The following MLPH variants were observed in gnomAD, a reference collection of about 807,000 sequenced individuals.
MLPH encodes the protein exophilin-3.
MLPH carries 51 observed loss-of-function variants against 72.1 expected under a neutral mutation model. The observed-to-expected ratio is 0.71, with a 90% CI of 0.56 to 0.89. The LOEUF (loss-of-function observed/expected upper bound fraction) is 0.89. Ranked by LOEUF, MLPH falls within the 40% of genes least tolerant of loss-of-function variation. The probability of loss-of-function intolerance (pLI) is 0.00; values close to 1 mark genes in which losing one functional copy is unlikely to be tolerated. For missense variants in MLPH, 743 were observed against 759.9 expected (o/e 0.98, Z 0.26); for synonymous variants, 301 against 310.1 (o/e 0.97, Z 0.31).
intron 12 of MLPH, chr2:237,545,449 C>T (rs1322293583): frequency 7.8e-7 from 1 of 1,286,410 alleles, no homozygotes; most frequent in South Asian, 1.2e-5. Flanking sequence ...TGTTTCTACC[C>T]TAAAAAGGCT....
At chr2:237,498,588 A>G (rs148564900) in intron 2 of MLPH, among the ~76,000 whole-genome samples, 1 of 152,196 alleles carries the variant, frequency 6.6e-6, no homozygotes, top group South Asian at 2.1e-4. Context: ...TGTGCTGTGG[A>G]CATTCGGTGA....
At chr2:237,548,377 G>A (rs535653256) in intron 13 of MLPH, among the ~76,000 whole-genome samples, 2 of 152,342 alleles carry the variant, frequency 1.3e-5, no homozygotes, top group South Asian at 4.1e-4. Context: ...TCACTTCCCT[G>A]AAAAGCCAAA....
In MLPH at chr2:237,541,106, A is replaced by G. The variant is rs1266770792; in HGVS notation, c.1446+149A>G. 3 of 1,126,384 alleles carry G rather than the reference A, an allele frequency of 2.7e-6. No homozygotes were observed. The highest frequency in any genetic ancestry group is 1.5e-5 in the African/African-American group (1 of 64,718). 69.8% of individuals were successfully genotyped at this position (1,126,384 alleles called of 1,614,324 possible). A position where few individuals can be genotyped will look rare whatever the true frequency, so the allele number is the denominator to read the frequency against. On this transcript the variant is annotated intron_variant, in intron 11 of 15. Coordinates refer to ENST00000264605, the MANE Select transcript of MLPH (RefSeq NM_024101.7). This position sits in a 1 kb window ranked among gnomAD's most constrained non-coding sequence, Gnocchi z 5.1. ...GCATGCACGGCTCTGAAGGCCAGGC[A>G]TGAACCTGGGGGTTTCTGGGGGACT...
At chr2:237,501,885 A>G (rs2079659291) in intron 2 of MLPH, among the ~76,000 whole-genome samples, 2 of 152,136 alleles carry the variant, frequency 1.3e-5, no homozygotes, top group Non-Finnish European at 2.9e-5. Flanking sequence ...ATGTGTGTTA[A>G]AACTTTTCCG....
chr2:237,536,818 C>G (rs2080540834), intron 9 of MLPH, among the ~76,000 whole-genome samples: 1 of 152,230 alleles, frequency 6.6e-6, no homozygotes, highest in Non-Finnish European at 1.5e-5. Context: ...GCCTGCCCGG[C>G]CCTGGCTCCA....
In MLPH at chr2:237,532,972, G is replaced by A. The variant is rs139256367; in HGVS notation, c.1021-1592G>A. Reference sequence around the variant, plus strand: ...AGCCCTTCTGCAGCCCGGCAGGCCCGGCCCATTCCACACAGTTCTCAGCAC... The same window carrying A: ...AGCCCTTCTGCAGCCCGGCAGGCCCAGCCCATTCCACACAGTTCTCAGCAC... On this transcript the variant is annotated intron_variant, in intron 8 of 15. Transcript: ENST00000264605. 3.0e-3 allele frequency among the ~76,000 whole-genome samples: 452 copies of A among 152,288 alleles called. 3 individuals carry two copies. Among genetic ancestry groups the A allele is most frequent in the African/African-American group, 0.011 (437 of 41,548 alleles).
intron 14 of MLPH, chr2:237,552,102 G>A: frequency 2.0e-6 from 1 of 504,182 alleles, no homozygotes. Context: ...GGGCCACAGT[G>A]AGGAAGAATG....
At chr2:237,506,987 T>G (rs2079786402) in intron 2 of MLPH, among the ~76,000 whole-genome samples, 1 of 152,002 alleles carries the variant, frequency 6.6e-6, no homozygotes, top group African/African-American at 2.4e-5. Flanking sequence ...AGACAATAAT[T>G]AACATCATGT....
In MLPH at chr2:237,546,714, C is replaced by T. The variant is rs1490688395; in HGVS notation, c.1617+31C>T. On this transcript the variant is annotated intron_variant, in intron 13 of 15. Coordinates refer to ENST00000264605, the MANE Select transcript of MLPH (RefSeq NM_024101.7). Reference sequence around the variant, plus strand: ...TGTTACTCCATTCAAGCCCCAGACACCCGACAAAGGTGGAAGACTGCACCC... The same window carrying T: ...TGTTACTCCATTCAAGCCCCAGACATCCGACAAAGGTGGAAGACTGCACCC... 4 of 1,587,896 alleles carry T rather than the reference C, an allele frequency of 2.5e-6. No homozygotes were observed. In the East Asian group the frequency reaches 8.9e-5, roughly 35 times the overall value.
intron 2 of MLPH, among the ~76,000 whole-genome samples, chr2:237,504,076 C>A (rs1035732178): frequency 6.6e-6 from 1 of 152,214 alleles, no homozygotes; most frequent in Admixed American, 6.5e-5. Flanking sequence ...TGCCAGAGAG[C>A]AGATTCCCCT....
At chr2:237,491,429 G>A (rs2079426348) in intron 1 of MLPH, among the ~76,000 whole-genome samples, 1 of 152,260 alleles carries the variant, frequency 6.6e-6, no homozygotes. Flanking sequence ...GTCTGTAGCT[G>A]CAGCATCTGA....
intron 8 of MLPH, among the ~76,000 whole-genome samples, chr2:237,530,430 G>A (rs7585969): frequency 0.13 from 20,188 of 152,254 alleles, 1,481 homozygotes; most frequent in African/African-American, 0.16. Flanking sequence ...GCAATATGGG[G>A]AATCATAGGG....
chr2:237,491,280 T>C (rs2079424063), intron 1 of MLPH, among the ~76,000 whole-genome samples: 1 of 152,236 alleles, frequency 6.6e-6, no homozygotes, highest in Non-Finnish European at 1.5e-5. Context: ...CCTTCTCTAA[T>C]GTTCCTGAGA....
chr2:237,495,117 T>TCTGCCA (rs761799767), intron 2 of MLPH, among the ~76,000 whole-genome samples: 5 of 152,172 alleles, frequency 3.3e-5, no homozygotes, highest in Non-Finnish European at 5.9e-5. Flanking sequence ...AATGTCTCTT[T>TCTGCCA]CTGCCACTGC....
chr2:237,549,071 A>G (rs1273956353), intron 13 of MLPH, 150 bp from the exon 14 acceptor site: 5 of 703,562 alleles, frequency 7.1e-6, no homozygotes, highest in South Asian at 1.6e-5. Context: ...GTCCATTCTC[A>G]TATTGCTAAA....
intron 2 of MLPH, among the ~76,000 whole-genome samples, chr2:237,503,948 G>A (rs1335842160): frequency 2.0e-5 from 3 of 152,180 alleles, no homozygotes; most frequent in South Asian, 2.1e-4. Context: ...ATGATCCCGG[G>A]TTCCCTGGGC....
At chr2:237,536,923 T>C (rs111594429) in intron 9 of MLPH, among the ~76,000 whole-genome samples, 203 of 152,326 alleles carry the variant, frequency 1.3e-3, no homozygotes, top group African/African-American at 4.7e-3. Context: ...CTTTTGCTCA[T>C]ACAAATCTCA....
chr2:237,489,445 G>A (rs1414978486), intron 1 of MLPH, among the ~76,000 whole-genome samples: 1 of 152,174 alleles, frequency 6.6e-6, no homozygotes, highest in African/African-American at 2.4e-5. Context: ...CCTTCTAGGT[G>A]GAAATGTGCT....
At chr2:237,506,773 T>A (rs1018089975) in intron 2 of MLPH, among the ~76,000 whole-genome samples, 8 of 152,228 alleles carry the variant, frequency 5.3e-5, no homozygotes, top group African/African-American at 1.9e-4. Context: ...TTTTACTTCT[T>A]TTTTCTTTGG....
Sources: allele counts gnomAD v4.1 joint callset (sites outside exome capture counted in the v4.1 genomes callset), GRCh38; gene constraint gnomAD v4.1.1; non-coding constraint Gnocchi (gnomAD v3.1); transcripts MANE v1.5; gene names NCBI Gene and HGNC (gene_info 2026-07-23, HGNC 2026-07-21).